The following MYLK variants were observed in gnomAD, a reference collection of about 807,000 sequenced individuals.
MYLK encodes the protein myosin light chain kinase, smooth muscle.
In MYLK, 106 loss-of-function variants were observed where a neutral mutation model predicts 203.4. The ratio of observed to expected loss-of-function variants is 0.52; its 90% confidence interval spans 0.45 to 0.61. The LOEUF is 0.61. Ranked by LOEUF, MYLK falls within the 20% of genes least tolerant of loss-of-function variation. MYLK has a pLI of 0.00. For synonymous variants in MYLK, 867 were observed against 959.5 expected, an observed-to-expected ratio of 0.90 and a Z score of 1.78; for missense variants, 2,072 against 2,442.3, an observed-to-expected ratio of 0.85 and a Z score of 3.20.
chr3:123,710,977 G>A (rs1332455162), intron 13 of MYLK, among the ~76,000 whole-genome samples: 2 of 152,250 alleles, frequency 1.3e-5, no homozygotes, highest in East Asian at 3.9e-4. Flanking sequence ...TGTAGTCCCA[G>A]CTACTTGGGA....
chr3:123,819,787 CTTTTTT>C (rs5852369), intron 3 of MYLK, among the ~76,000 whole-genome samples: 2 of 74,538 alleles, frequency 2.7e-5, no homozygotes, highest in Non-Finnish European at 5.1e-5. Context: ...TCTAAGCCTC[CTTTTTT>C]TTTTTTTTTT....
At chr3:123,801,647 T>C (rs2065199477) in intron 3 of MYLK, among the ~76,000 whole-genome samples, 1 of 152,258 alleles carries the variant, frequency 6.6e-6, no homozygotes, top group African/African-American at 2.4e-5. Flanking sequence ...ACCTCATGTT[T>C]AGCTTCCACT....
chr3:123,863,879 C>T (rs933736671), intron 2 of MYLK, among the ~76,000 whole-genome samples: 5 of 152,282 alleles, frequency 3.3e-5, no homozygotes, highest in African/African-American at 1.2e-4. Context: ...AAACATATGT[C>T]TACCCAAAAA....
chr3:123,823,159 T>C (rs2065994851), intron 3 of MYLK, among the ~76,000 whole-genome samples: 1 of 152,128 alleles, frequency 6.6e-6, no homozygotes, highest in South Asian at 2.1e-4. Context: ...AATGCCATGC[T>C]CTCCTGTTTT....
At chr3:123,683,599 C>T (rs1341033859) in intron 19 of MYLK, among the ~76,000 whole-genome samples, 1 of 152,300 alleles carries the variant, frequency 6.6e-6, no homozygotes, top group South Asian at 2.1e-4. Context: ...ATCATCACCC[C>T]GATAGGCTTT....
chr3:123,738,782 T>A, intron 7 of MYLK, 115 bp downstream of exon 7: 1 of 1,373,034 alleles, frequency 7.3e-7, no homozygotes, highest in Non-Finnish European at 1.0e-6. Flanking sequence ...TGTGGAACGG[T>A]GAGTCCATTA....
chr3:123,802,875 C>A (rs187514129), intron 3 of MYLK, among the ~76,000 whole-genome samples: 2 of 152,312 alleles, frequency 1.3e-5, no homozygotes, highest in African/African-American at 4.8e-5. Context: ...TTAGGTTTCA[C>A]CCCCTCAGGA....
intron 5 of MYLK, among the ~76,000 whole-genome samples, chr3:123,748,837 G>A (rs2063100928): frequency 6.6e-6 from 1 of 152,168 alleles, no homozygotes. Context: ...CTGGGAGGCT[G>A]AGGTAGGCGG....
At chr3:123,710,717 C>T (rs1272360210) in intron 13 of MYLK, among the ~76,000 whole-genome samples, 1 of 152,186 alleles carries the variant, frequency 6.6e-6, no homozygotes, top group African/African-American at 2.4e-5. Context: ...CATGCTACTC[C>T]TGGGTATGTC....
chr3:123,675,748 G>A (rs1374880766), intron 20 of MYLK, among the ~76,000 whole-genome samples: 1 of 152,142 alleles, frequency 6.6e-6, no homozygotes, highest in South Asian at 2.1e-4. Context: ...GGTTGAGCAT[G>A]GAGTGAGCAC....
chr3:123,811,726 C>T (rs1577045089), intron 3 of MYLK, among the ~76,000 whole-genome samples: 1 of 152,106 alleles, frequency 6.6e-6, no homozygotes, highest in African/African-American at 2.4e-5. Flanking sequence ...TTTATCATCC[C>T]TGTAAAGCTT....
At chr3:123,877,275 T>C (rs986592816) in intron 1 of MYLK, among the ~76,000 whole-genome samples, 1 of 152,102 alleles carries the variant, frequency 6.6e-6, no homozygotes, top group African/African-American at 2.4e-5. Flanking sequence ...GGCCTGTGAA[T>C]GGCTTAAGGC....
intron 13 of MYLK, among the ~76,000 whole-genome samples, chr3:123,720,482 G>A (rs183790711): frequency 2.0e-5 from 3 of 152,234 alleles, no homozygotes; most frequent in South Asian, 2.1e-4. Context: ...CCCCTTACTT[G>A]ACTCTGGGGT....
At chr3:123,694,412 T>G (rs2060820824) in intron 18 of MYLK, among the ~76,000 whole-genome samples, 1 of 152,054 alleles carries the variant, frequency 6.6e-6, no homozygotes, top group Non-Finnish European at 1.5e-5. Context: ...GAGTGGGGAA[T>G]GAGGATAACC....
intron 3 of MYLK, among the ~76,000 whole-genome samples, chr3:123,822,041 G>A (rs1002213824): frequency 2.0e-5 from 3 of 152,098 alleles, no homozygotes; most frequent in African/African-American, 7.2e-5. Flanking sequence ...TTAAAAAAAA[G>A]TCCAACCCTC....
Position 123,657,178 on chromosome 3 carries a change from G to C in MYLK, c.4236C>G (p.Thr1412=). The change falls in exon 24 of 34, where the codon ACC becomes ACG. Residue 1412 remains threonine (T), a synonymous_variant. Transcript: ENST00000360304. The part of the protein sequence containing the change: ...FRVRAINVYG[T]SEPSQESELT... ...GTTCAGACTCCTGGCTTGGCTCACT[G>C]GTTCCATACACGTTGATTGCACGTA... 5 of 1,614,192 alleles carry C rather than the reference G, an allele frequency of 3.1e-6. No homozygotes were observed. The highest frequency in any genetic ancestry group is 1.6e-4 in the Middle Eastern group (1 of 6,062).
In MYLK at chr3:123,732,907, A is replaced by C; in HGVS notation, c.1505T>G (p.Leu502Arg). The change falls in exon 11 of 34, where the codon CTC becomes CGC. Residue 502 changes from leucine to arginine, a missense_variant. Around this residue, in one of 3 missense-constraint regions of MYLK, gnomAD observed 683 missense variants for 643.8 expected, o/e 1.06. Coordinates refer to ENST00000360304, the MANE Select transcript of MYLK (RefSeq NM_053025.4). ...AGAAGTGTACTCACTTTCCACTTGG[A>C]GGGTCCAGCTACAGGACAGCTGGCC... The part of the protein sequence containing the change: ...AQGQLSCSWT[L>R]QVERLAVMEV... 6.2e-7 allele frequency: 1 copy of C among 1,613,978 alleles called. No individual in the cohort carries two copies. Among genetic ancestry groups the C allele is most frequent in the Non-Finnish European group, 8.5e-7 (1 of 1,179,966 alleles).
chr3:123,700,524 G>A lies in MYLK; in HGVS notation c.2944C>T (p.Arg982Cys), dbSNP rs375731554. The A allele has an allele frequency of 3.2e-5, 51 of 1,613,262 alleles. No homozygotes were observed. Among genetic ancestry groups the A allele is most frequent in the Non-Finnish European group, 3.6e-5 (43 of 1,179,554 alleles). The change falls in exon 18 of 34, where the codon CGC (arginine) becomes TGC (cysteine). Residue 982 changes from arginine to cysteine, a missense_variant. By Grantham distance (180) the Arg-to-Cys change is radical. This residue lies in a region of MYLK where 865 missense variants were observed against 1,016.0 expected (regional missense o/e 0.85). Coordinates refer to ENST00000360304, the MANE Select transcript of MYLK (RefSeq NM_053025.4). ...PPPKPATPDF[R>C]SVLGGKKKLP... ...TTCTTCTTGCCACCCAGCACTGAGCGAAAATCCGGGGTGGCAGGTTTTGGC... is the reference window on the plus strand; with the variant it reads ...TTCTTCTTGCCACCCAGCACTGAGCAAAAATCCGGGGTGGCAGGTTTTGGC...
intron 23 of MYLK, among the ~76,000 whole-genome samples, chr3:123,658,935 C>T (rs2059478020): frequency 6.6e-6 from 1 of 152,222 alleles, no homozygotes; most frequent in African/African-American, 2.4e-5. Flanking sequence ...TAACCAAAGC[C>T]CTGGGAATGA....
Sources: gnomAD v4.1 joint callset for allele counts (sites outside exome capture counted in the v4.1 genomes callset) on GRCh38, gnomAD v4.1.1 for gene constraint, gnomAD v4.1.1 regional missense constraint, MANE v1.5 for transcripts, NCBI Gene and HGNC (gene_info 2026-07-23, HGNC 2026-07-21) for gene names.